Variants in STARD7 observed in about 807,000 individuals in gnomAD.
STARD7 encodes StAR related lipid transfer domain containing 7, also known as stAR-related lipid transfer protein 7, mitochondrial.
STARD7 carries 30 observed loss-of-function variants against 45.3 expected under a neutral mutation model. The ratio of observed to expected loss-of-function variants is 0.66; its 90% CI spans 0.50 to 0.90. STARD7 has a LOEUF of 0.90. STARD7 is among the 40% of genes least tolerant of loss of function. The pLI, the probability that STARD7 is intolerant of heterozygous loss-of-function variation, is 0.00. For synonymous variants in STARD7, 199 were observed against 183.0 expected (o/e 1.09, Z -0.70); for missense variants, 495 against 491.3 (o/e 1.01, Z -0.07).
Position 96,189,479 on chromosome 2 carries a change from C to A in STARD7, c.844-2178G>T, listed in dbSNP as rs13405369. Among the ~76,000 whole-genome samples the A allele has an allele frequency of 6.6e-5, 10 of 152,118 alleles. No individual in the cohort carries two copies. In the East Asian group the frequency reaches 1.2e-3, roughly 18 times the overall value. On this transcript the variant is annotated intron_variant, in intron 6 of 7. Coordinates refer to ENST00000337288, the MANE Select transcript of STARD7 (RefSeq NM_020151.4). ...CAGCACTCAGAAAGGCCGAGGCGGG[C>A]GGATCACTTGAAGTCAGGAGTTCGA...
intron 1 of STARD7, among the ~76,000 whole-genome samples, chr2:96,202,059 T>C (rs1237091088): frequency 6.6e-6 from 1 of 152,182 alleles, no homozygotes; most frequent in Non-Finnish European, 1.5e-5. Context: ...AAAATATTTA[T>C]ATAGGGGAAT....
chr2:96,195,377 G>A lies in STARD7; in HGVS notation c.463C>T (p.Arg155Cys), dbSNP rs753553383. Residue 155 changes from arginine to cysteine, a missense_variant, in exon 2 of 8, where the codon CGC (arginine) becomes TGC (cysteine). Arg to Cys is a radical substitution (Grantham distance 180, BLOSUM62 -3). Coordinates refer to ENST00000337288, the MANE Select transcript of STARD7 (RefSeq NM_020151.4). ...TAAAGGTGGGTGCCTGTAATTGGGCGCCGCCACAGCTTAAAGTGTTTCTTA... is the reference window on the plus strand; with the variant it reads ...TAAAGGTGGGTGCCTGTAATTGGGCACCGCCACAGCTTAAAGTGTTTCTTA... ...MDKKHFKLWRRPITGTHLYQY... is the reference protein window; with the variant it reads ...MDKKHFKLWRCPITGTHLYQY... 9.4e-6 allele frequency: 15 copies of A among 1,591,238 alleles called. No individual in the cohort carries two copies. Among genetic ancestry groups the A allele is most frequent in the East Asian group, 4.5e-5 (2 of 44,176 alleles).
chr2:96,190,819 T>G (rs1683114985), intron 6 of STARD7, among the ~76,000 whole-genome samples: 1 of 152,110 alleles, frequency 6.6e-6, no homozygotes, highest in African/African-American at 2.4e-5. Flanking sequence ...ATTTTTATTT[T>G]TTGTAGAGAC....
chr2:96,197,090 A>ATAAAATAAAAT (rs1683229004), intron 1 of STARD7, among the ~76,000 whole-genome samples: 2 of 138,124 alleles, frequency 1.4e-5, no homozygotes, highest in Admixed American at 1.5e-4. Context: ...ATAAAATAAA[A>ATAAAATAAAAT]TAAAATAAAA....
At chr2:96,195,728 C>T (rs1389832536) in intron 1 of STARD7, among the ~76,000 whole-genome samples, 179 bp from the exon 2 acceptor site, 2 of 152,116 alleles carry the variant, frequency 1.3e-5, no homozygotes, top group Non-Finnish European at 1.5e-5. Flanking sequence ...CCAACACTCA[C>T]TAACTAGATT....
Position 96,205,584 on chromosome 2 carries a change from A to G in STARD7, c.290+2561T>C, listed in dbSNP as rs528938142. Among the ~76,000 whole-genome samples the G allele has an allele frequency of 2.6e-5, 4 of 152,346 alleles. No homozygotes were observed. The East Asian group carries it at 5.8e-4, about 22-fold the overall frequency. The stretch of plus-strand genomic sequence containing the variant: ...CCAACTGTGCTCCATTATGGAAGCT[A>G]CCCAAAAATCATCTCACTAGAACAA... On this transcript the variant is annotated intron_variant, in intron 1 of 7. Coordinates refer to ENST00000337288, the MANE Select transcript of STARD7 (RefSeq NM_020151.4).
chr2:96,201,409 TA>T (rs60808208), intron 1 of STARD7, among the ~76,000 whole-genome samples: 371 of 109,526 alleles, frequency 3.4e-3, no homozygotes, highest in Middle Eastern at 4.3e-3. Flanking sequence ...ACTCCACCTC[TA>T]AAAAAAAAAA....
intron 1 of STARD7, among the ~76,000 whole-genome samples, chr2:96,205,635 G>A (rs534333955): frequency 6.6e-6 from 1 of 152,286 alleles, no homozygotes; most frequent in East Asian, 1.9e-4. Flanking sequence ...TTCTAAGCTA[G>A]CTATGACAAC....
At chr2:96,196,818 A>C (rs1350060666) in intron 1 of STARD7, among the ~76,000 whole-genome samples, 1 of 151,574 alleles carries the variant, frequency 6.6e-6, no homozygotes, top group Non-Finnish European at 1.5e-5. Context: ...CTGTAATCCC[A>C]ATACTTTGGG....
rs1683455106 is a variant in STARD7, at chr2:96,208,750, C to T, written c.-316G>A. On this transcript the variant is annotated 5_prime_UTR_variant, in exon 1 of 8. Coordinates refer to ENST00000337288, the MANE Select transcript of STARD7 (RefSeq NM_020151.4). ...CCAGCGGGCGCCCGGGGCCGGGATG[C>T]AGGGCGCGCGGACAGAAACGAGACA... 1 of 409,402 alleles carries T rather than the reference C, an allele frequency of 2.4e-6. No homozygotes were observed. Among genetic ancestry groups the T allele is most frequent in the Non-Finnish European group, 4.3e-6 (1 of 231,462 alleles). The allele number at this position is 409,402 out of a possible 1,614,324, so 25.4% of individuals were successfully genotyped here. A position where few individuals can be genotyped will look rare whatever the true frequency, so the allele number is the denominator to read the frequency against.
intron 6 of STARD7, 120 bp downstream of exon 6, chr2:96,192,249 G>A (rs1683135930): frequency 3.7e-6 from 3 of 808,328 alleles, no homozygotes; most frequent in Non-Finnish European, 6.3e-6. Context: ...AGTAGCATCA[G>A]ACTCCCCCGA....
At chr2:96,190,522 G>C (rs1683109178) in intron 6 of STARD7, among the ~76,000 whole-genome samples, 1 of 152,086 alleles carries the variant, frequency 6.6e-6, no homozygotes, top group South Asian at 2.1e-4. Context: ...ACTTTTAGTA[G>C]AGACAGGGTT....
At chr2:96,193,719 A>G (rs781062665) in intron 3 of STARD7, among the ~76,000 whole-genome samples, 1 of 152,242 alleles carries the variant, frequency 6.6e-6, no homozygotes. Context: ...TATTAAGTAG[A>G]CACTTCACAC....
chr2:96,206,367 C>T (rs1170986176), intron 1 of STARD7, among the ~76,000 whole-genome samples: 3 of 152,162 alleles, frequency 2.0e-5, no homozygotes, highest in African/African-American at 7.2e-5. Context: ...CTCTTTTGTA[C>T]CCAGTAGCCC....
At chr2:96,193,182 A>G (rs766994951) in intron 4 of STARD7, 22 bp from the exon 5 acceptor site, 5 of 1,599,184 alleles carry the variant, frequency 3.1e-6, no homozygotes, top group Non-Finnish European at 4.3e-6. Context: ...GAGGAGCAGG[A>G]TTAGTGTTCT....
Position 96,197,095 on chromosome 2 carries a change from A to AAACTAAACTAAACTAAACAAC in STARD7, c.291-1547_291-1546insGTTGTTTAGTTTAGTTTAGTT, listed in dbSNP as rs1558735851. On this transcript the variant is annotated intron_variant, in intron 1 of 7. Coordinates refer to ENST00000337288, the MANE Select transcript of STARD7 (RefSeq NM_020151.4). ...ATAAAATAAAATAAAATAAAATAAA[A>AAACTAAACTAAACTAAACAAC]TAAAATAAAATAAAATAAAATAAAA... 7.2e-5 allele frequency among the ~76,000 whole-genome samples: 10 copies of AAACTAAACTAAACTAAACAAC among 139,282 alleles called. 2 individuals are homozygous for AAACTAAACTAAACTAAACAAC. In the East Asian group the frequency reaches 7.5e-4, roughly 10 times the overall value. 91.4% of individuals were successfully genotyped at this position (139,282 alleles called of 152,430 possible).
chr2:96,207,855 GCTAT>G (rs1400192664), intron 1 of STARD7, among the ~76,000 whole-genome samples: 10 of 152,158 alleles, frequency 6.6e-5, no homozygotes, highest in African/African-American at 1.4e-4. Context: ...CCATGCCTTC[GCTAT>G]CTAATTGATT....
chr2:96,198,650 C>T (rs1025769714), intron 1 of STARD7, among the ~76,000 whole-genome samples: 3 of 152,130 alleles, frequency 2.0e-5, no homozygotes, highest in African/African-American at 7.2e-5. Context: ...TTTTCATGTG[C>T]TTATACTAGT....
rs61417989 is a variant in STARD7 at position 96,206,800 on chromosome 2, CAAAAAAAAAA to C, written c.290+1335_290+1344del. ...TGGGCGACAGAGCGAGACTCCGTCT[CAAAAAAAAAA>C]AAAAAAAAAAAAAAGTGGAACACGG... On this transcript the variant is annotated intron_variant, in intron 1 of 7. Transcript: ENST00000337288. Among the ~76,000 whole-genome samples, 113 of 49,498 alleles carry C rather than the reference CAAAAAAAAAA, an allele frequency of 2.3e-3. 1 individual carries two copies. Among genetic ancestry groups the C allele is most frequent in the Non-Finnish European group, 3.4e-3 (84 of 25,042 alleles). 32.5% of individuals were successfully genotyped at this position (49,498 alleles called of 152,430 possible).
Sources: gnomAD v4.1 joint callset for allele counts (sites outside exome capture counted in the v4.1 genomes callset) on GRCh38, gnomAD v4.1.1 for gene constraint, MANE v1.5 for transcripts, NCBI Gene and HGNC (gene_info 2026-07-23, HGNC 2026-07-21) for gene names.